NOMO1: variants seen among roughly 807,000 people sequenced by gnomAD.
NOMO1 encodes nodal modulator 3.
NOMO1 carries 40 observed loss-of-function variants against 133.8 expected under a neutral mutation model. The ratio of observed to expected loss-of-function variants is 0.30; its 90% CI spans 0.23 to 0.39. NOMO1 has a LOEUF of 0.39. NOMO1 is among the 10% of genes least tolerant of loss of function. NOMO1 has a pLI of 1.00. For missense variants in NOMO1, 462 were observed against 1,419.9 expected, an observed-to-expected ratio of 0.33 and a Z score of 10.84; for synonymous variants, 236 against 570.5, an observed-to-expected ratio of 0.41 and a Z score of 8.36.
At chr16:14,877,915 T>TAAAAA (rs57987674) in intron 22 of NOMO1, among the ~76,000 whole-genome samples, 1 of 135,410 alleles carries the variant, frequency 7.4e-6, no homozygotes, top group Admixed American at 7.7e-5. Context: ...GAAATAAAAA[T>TAAAAA]TAAGTGCCTA....
intron 3 of NOMO1, among the ~76,000 whole-genome samples, chr16:14,841,692 A>G (rs1963606040): frequency 6.6e-6 from 1 of 151,374 alleles, no homozygotes; most frequent in African/African-American, 2.4e-5. Flanking sequence ...GCCGTGGAAC[A>G]GTATAGAAAT....
chr16:14,839,361 A>T (rs1963570602), intron 2 of NOMO1, among the ~76,000 whole-genome samples: 1 of 152,030 alleles, frequency 6.6e-6, no homozygotes, highest in African/African-American at 2.4e-5. Context: ...CGGCCCTCTT[A>T]TAAAATTTTG....
chr16:14,892,864 C>T (rs545348285), intron 29 of NOMO1, among the ~76,000 whole-genome samples: 1 of 139,272 alleles, frequency 7.2e-6, no homozygotes, highest in East Asian at 2.1e-4. Context: ...TGGTTTCCAC[C>T]TCGTTCTGCC....
At chr16:14,884,062 C>CT (rs1247168976) in intron 26 of NOMO1, among the ~76,000 whole-genome samples, 4 of 146,220 alleles carry the variant, frequency 2.7e-5, no homozygotes, top group Non-Finnish European at 4.5e-5. Flanking sequence ...CATCCTTCTC[C>CT]TTTTTTTTTT....
At chr16:14,843,524 C>T (rs989801409) in intron 3 of NOMO1, among the ~76,000 whole-genome samples, 4 of 151,818 alleles carry the variant, frequency 2.6e-5, no homozygotes, top group African/African-American at 7.3e-5. Context: ...CACTTGGTAT[C>T]GTCAGTTTTT....
chr16:14,861,344 A>T (rs1597101125), intron 11 of NOMO1, among the ~76,000 whole-genome samples: 1 of 151,550 alleles, frequency 6.6e-6, no homozygotes, highest in Non-Finnish European at 1.5e-5. Context: ...TTTTTCTACC[A>T]CCCTTTTGGT....
intron 18 of NOMO1, among the ~76,000 whole-genome samples, chr16:14,873,820 A>G (rs2151005471): frequency 6.6e-6 from 1 of 151,782 alleles, no homozygotes; most frequent in African/African-American, 2.4e-5. Context: ...CAGCAGACCC[A>G]AAACCCGACT....
Position 14,875,038 on chromosome 16 carries a change from C to G in NOMO1, c.2057C>G (p.Ser686Cys). 1 of 1,613,652 alleles carries G rather than the reference C, an allele frequency of 6.2e-7. No homozygotes were observed. Among genetic ancestry groups the G allele is most frequent in the Non-Finnish European group, 8.5e-7 (1 of 1,179,692 alleles). ...KMMDVTVTIKSSIDSEPALVL... is the reference protein window; with the variant it reads ...KMMDVTVTIKCSIDSEPALVL... ...CCTAGGGGCCGTCTTTCTTCTAGGT[C>G]TTCCATCGACAGTGAACCCGCCTTG... The change falls in exon 19 of 31, where the codon TCT becomes TGT. Residue 686 changes from serine to cysteine, a missense_variant and splice_region_variant. Transcript: ENST00000287667.
intron 11 of NOMO1, chr16:14,862,265 AG>A (rs1963931791): frequency 6.6e-6 from 1 of 152,100 alleles, no homozygotes; most frequent in Admixed American, 6.6e-5. Flanking sequence ...TTAACACACC[AG>A]CTGCTTCAGA....
At chr16:14,888,617 A>G (rs1338218128) in intron 28 of NOMO1, 1 of 265,592 alleles carries the variant, frequency 3.8e-6, no homozygotes, top group Non-Finnish European at 7.3e-6. Flanking sequence ...GTCGGTGCTC[A>G]GCACACAGAG....
At chr16:14,848,277 TAGTC>T (rs1323896943) in intron 5 of NOMO1, among the ~76,000 whole-genome samples, 37 of 140,842 alleles carry the variant, frequency 2.6e-4, no homozygotes, top group African/African-American at 9.8e-4. Context: ...ACTCTGGTGT[TAGTC>T]TGTCTATGGC....
intron 5 of NOMO1, 152 bp downstream of exon 5, chr16:14,846,835 TC>T: frequency 1.8e-6 from 2 of 1,104,342 alleles, no homozygotes; most frequent in Non-Finnish European, 2.6e-6. Context: ...AGTGCTGAGT[TC>T]CCCACATGTG....
Position 14,833,905 on chromosome 16 carries a change from G to C in NOMO1, c.54G>C (p.Ala18=). The change falls in exon 1 of 31, where the codon GCG becomes GCC. Residue 18 remains alanine, a synonymous_variant. Transcript: ENST00000287667. ...GPLGPAVVTA[A]VVLLLSGVGP... is the part of the protein sequence containing the mutation. ...TGGGGCCCGCGGTGGTCACCGCCGC[G>C]GTGGTGCTGCTGCTGAGCGGCGTGG... 1.4e-6 allele frequency: 1 copy of C among 708,604 alleles called. No homozygotes were observed. The highest frequency in any genetic ancestry group is 2.1e-5 in the African/African-American group (1 of 47,414). 43.9% of individuals were successfully genotyped at this position (708,604 alleles called of 1,614,324 possible).
At chr16:14,884,545 G>A in intron 27 of NOMO1, 63 bp downstream of exon 27, 4 of 1,608,878 alleles carry the variant, frequency 2.5e-6, no homozygotes, top group Non-Finnish European at 3.4e-6. Flanking sequence ...AAGTACGAAT[G>A]GGATGTTTTT....
At chr16:14,884,581 G>T in intron 27 of NOMO1, 99 bp downstream of exon 27, 1 of 1,574,884 alleles carries the variant, frequency 6.3e-7, no homozygotes, top group East Asian at 2.3e-5. Flanking sequence ...TCGTGCCTTA[G>T]GTGTGACAGG....
At chr16:14,856,210 T>C (rs1963832058) in intron 9 of NOMO1, among the ~76,000 whole-genome samples, 2 of 151,838 alleles carry the variant, frequency 1.3e-5, no homozygotes, top group South Asian at 4.2e-4. Flanking sequence ...AACGAGGACA[T>C]TTCAGATACT....
chr16:14,860,174 C>T (rs1963901177), intron 11 of NOMO1, among the ~76,000 whole-genome samples: 1 of 151,946 alleles, frequency 6.6e-6, no homozygotes, highest in African/African-American at 2.4e-5. Flanking sequence ...TCAAGCCCAG[C>T]CTGGCCGCAT....
At chr16:14,843,714 T>TG (rs1491446817) in intron 3 of NOMO1, among the ~76,000 whole-genome samples, 3 of 74,922 alleles carry the variant, frequency 4.0e-5, no homozygotes, top group Non-Finnish European at 9.7e-5. Context: ...TATTGGAGTC[T>TG]TTGTGTGTGT....
At chr16:14,864,878 G>C in intron 13 of NOMO1, 146 bp from the exon 14 acceptor site, 1 of 1,211,740 alleles carries the variant, frequency 8.3e-7, no homozygotes. Flanking sequence ...GTGCATGTTA[G>C]CTTGAAAGAA....
Sources: allele counts gnomAD v4.1 joint callset (sites outside exome capture counted in the v4.1 genomes callset), GRCh38; gene constraint gnomAD v4.1.1; transcripts MANE v1.5; gene names NCBI Gene and HGNC (gene_info 2026-07-23, HGNC 2026-07-21).